Variants in PREX1 observed in about 807,000 individuals in gnomAD.
PREX1 encodes phosphatidylinositol 3,4,5-trisphosphate-dependent Rac exchanger 1 protein.
PREX1 carries 41 observed loss-of-function variants against 198.3 expected under a neutral mutation model. That is an observed-to-expected ratio of 0.21 (90% CI 0.16 to 0.27). The LOEUF is 0.27. Among genes scored for constraint, PREX1 ranks in the 10% least tolerant of loss-of-function variants. PREX1 has a pLI of 1.00. For synonymous variants in PREX1, 843 were observed against 887.2 expected (o/e 0.95, Z 0.89); for missense variants, 1,620 against 2,200.7 (o/e 0.74, Z 5.28).
chr20:48,781,630 C>T (rs2090290227), intron 1 of PREX1, among the ~76,000 whole-genome samples: 1 of 152,118 alleles, frequency 6.6e-6, no homozygotes, highest in South Asian at 2.1e-4. Context: ...TTTTTCATGG[C>T]CACACCAAGA....
At chr20:48,680,739 C>T (rs1379234051) in intron 11 of PREX1, among the ~76,000 whole-genome samples, 1 of 151,936 alleles carries the variant, frequency 6.6e-6, no homozygotes, top group Non-Finnish European at 1.5e-5. Flanking sequence ...TTCCCCATCT[C>T]CCCTATTCAA....
At chr20:48,850,707 G>A in the PREX1 span, among the ~76,000 whole-genome samples, 1 of 152,148 alleles carries the variant, frequency 6.6e-6, no homozygotes, top group African/African-American at 2.4e-5. Flanking sequence ...AGGGGAGCTG[G>A]GACTGGAATG....
intron 15 of PREX1, among the ~76,000 whole-genome samples, chr20:48,661,729 G>T (rs1308029152): frequency 1.3e-5 from 2 of 151,390 alleles, no homozygotes; most frequent in Non-Finnish European, 2.9e-5. Flanking sequence ...CTTGGATAAG[G>T]ATTTGCTGTG....
chr20:48,701,543 T>C (rs2089874318), intron 6 of PREX1, among the ~76,000 whole-genome samples: 1 of 152,168 alleles, frequency 6.6e-6, no homozygotes, highest in South Asian at 2.1e-4. Flanking sequence ...GGTTTTTTTT[T>C]CACCTATTCC....
rs1250262084 is a variant in PREX1 at position 48,827,848 on chromosome 20, T to A, written c.13A>T (p.Ser5Cys). 2 of 985,790 alleles carry A rather than the reference T, an allele frequency of 2.0e-6. No homozygotes were observed. Among genetic ancestry groups the A allele is most frequent in the Non-Finnish European group, 2.4e-6 (2 of 831,706 alleles). The allele number at this position is 985,790 out of a possible 1,614,324, so 61.1% of individuals were successfully genotyped here. Residue 5 changes from serine to cysteine, a missense_variant, in exon 1 of 40, where the codon AGC becomes TGC. Physicochemically the swap from Ser to Cys is moderately radical, Grantham distance 112. This residue lies in a region of PREX1 where 96 missense variants were observed against 98.7 expected (regional missense o/e 0.97). Transcript: ENST00000371941. The surrounding 1 kb of genome is among the most constrained non-coding windows in gnomAD (Gnocchi z 4.1). MEAP[S>C]GSEPGGDGAG... The stretch of plus-strand genomic sequence containing the variant: ...CCGTCGCCGCCGGGCTCGCTGCCGC[T>A]GGGCGCCTCCATTCTAGCGCGGCCG...
intron 1 of PREX1, among the ~76,000 whole-genome samples, chr20:48,755,594 A>G (rs1244402546): frequency 1.3e-5 from 2 of 152,238 alleles, no homozygotes; most frequent in African/African-American, 4.8e-5. Context: ...GAAGTGAAGC[A>G]GACATCTTAT....
At chr20:48,745,434 C>T (rs1382733168) in intron 2 of PREX1, among the ~76,000 whole-genome samples, 2 of 152,278 alleles carry the variant, frequency 1.3e-5, no homozygotes, top group East Asian at 1.9e-4. Flanking sequence ...TATTGTTATG[C>T]CCAATTTACA....
chr20:48,854,243 AC>A, the PREX1 span, among the ~76,000 whole-genome samples: 1 of 151,890 alleles, frequency 6.6e-6, no homozygotes, highest in Non-Finnish European at 1.5e-5. Context: ...AGGAAATTTC[AC>A]CTCCAGGGGA....
chr20:48,681,400 T>C, intron 10 of PREX1, 65 bp from the exon 11 acceptor site: 2 of 1,507,464 alleles, frequency 1.3e-6, no homozygotes, highest in Middle Eastern at 1.7e-4. Flanking sequence ...GAATCAGCAC[T>C]AAGCTGGCCT....
At chr20:48,857,456 G>A in the PREX1 span, among the ~76,000 whole-genome samples, 26,048 of 152,088 alleles carry the variant, frequency 0.17, 2,307 homozygotes, top group Non-Finnish European at 0.19. Context: ...CCATGGCGGG[G>A]GAATCACTTG....
the PREX1 span, among the ~76,000 whole-genome samples, chr20:48,858,381 T>C: frequency 3.3e-5 from 5 of 152,344 alleles, no homozygotes; most frequent in East Asian, 3.9e-4. Flanking sequence ...GATATTCTCC[T>C]CGGCTTCTGC....
chr20:48,760,889 G>A (rs906878793), intron 1 of PREX1, among the ~76,000 whole-genome samples: 11 of 152,240 alleles, frequency 7.2e-5, no homozygotes, highest in East Asian at 1.9e-4. Flanking sequence ...CAGGCACTGC[G>A]CTAAGAGCCA....
At chr20:48,630,496 A>C (rs2089305131) in intron 36 of PREX1, among the ~76,000 whole-genome samples, 1 of 152,234 alleles carries the variant, frequency 6.6e-6, no homozygotes, top group Non-Finnish European at 1.5e-5. Context: ...AATAAGGCGG[A>C]TTGGAGTGGC....
At chr20:48,644,677 G>A (rs572142802) in intron 26 of PREX1, among the ~76,000 whole-genome samples, 180 bp from the exon 27 acceptor site, 36 of 152,380 alleles carry the variant, frequency 2.4e-4, no homozygotes, top group African/African-American at 7.9e-4. Context: ...CCGGCCTGGT[G>A]GGTTTTCCAC....
In PREX1 at chr20:48,691,143, A is replaced by C. The variant is rs770251647; in HGVS notation, c.1037-47T>G. The C allele has an allele frequency of 4.3e-6, 7 of 1,612,218 alleles. 1 individual carries two copies. In the South Asian group the frequency reaches 4.4e-5, roughly 10 times the overall value. Reference sequence around the variant, plus strand: ...GGTGCAGCAGAGACTCAGCCGCGTGACCTTCAACACTCCCCATTGCCAAGC... The same window carrying C: ...GGTGCAGCAGAGACTCAGCCGCGTGCCCTTCAACACTCCCCATTGCCAAGC... On this transcript the variant is annotated intron_variant, in intron 8 of 39. Coordinates refer to ENST00000371941, the MANE Select transcript of PREX1 (RefSeq NM_020820.4). This position sits in a 1 kb window ranked among gnomAD's most constrained non-coding sequence, Gnocchi z 5.0.
the PREX1 span, among the ~76,000 whole-genome samples, chr20:48,860,143 G>T: frequency 7.6e-4 from 115 of 152,310 alleles, no homozygotes; most frequent in African/African-American, 2.6e-3. Flanking sequence ...AACCACAGAT[G>T]AATAGATTAA....
the PREX1 span, among the ~76,000 whole-genome samples, chr20:48,838,210 G>C: frequency 6.6e-6 from 1 of 152,114 alleles, no homozygotes. Context: ...TAACCCACAT[G>C]GTGACTTCAC....
chr20:48,739,085 C>A (rs540734932), intron 3 of PREX1, among the ~76,000 whole-genome samples: 2 of 152,324 alleles, frequency 1.3e-5, no homozygotes, highest in African/African-American at 4.8e-5. Context: ...CCTCGGCACG[C>A]AAAGCCCTAC....
chr20:48,625,878 TGGGTGTTCAGAGGTCCCCATCCACCGGCG>T lies in PREX1; in HGVS notation c.4958_*6del. On this transcript the variant is annotated stop_lost and 3_prime_UTR_variant, in exon 40 of 40. Coordinates refer to ENST00000371941, the MANE Select transcript of PREX1 (RefSeq NM_020820.4). Reference sequence around the variant, plus strand: ...AGGCCGCGGCCCAGCGTGGGGCATTTGGGTGTTCAGAGGTCCCCATCCACCGGCGGCTGGCAGAGGCGGTAGAGGCTGGG... The same window carrying T: ...AGGCCGCGGCCCAGCGTGGGGCATTTGCTGGCAGAGGCGGTAGAGGCTGGG... 6.4e-7 allele frequency: 1 copy of T among 1,563,478 alleles called. No homozygotes were observed.
Sources: allele counts gnomAD v4.1 joint callset (sites outside exome capture counted in the v4.1 genomes callset), GRCh38; gene constraint gnomAD v4.1.1; regional missense constraint gnomAD v4.1.1; non-coding constraint Gnocchi (gnomAD v3.1); transcripts MANE v1.5; gene names NCBI Gene and HGNC (gene_info 2026-07-23, HGNC 2026-07-21).